SLC4A4: variants seen among roughly 807,000 people sequenced by gnomAD.
SLC4A4 encodes the protein electrogenic sodium bicarbonate cotransporter 1.
In SLC4A4, 27 loss-of-function variants were observed where a neutral mutation model predicts 111.5. That is an observed-to-expected ratio of 0.24 (90% confidence interval 0.18 to 0.33). SLC4A4 has a LOEUF of 0.33. Ranked by LOEUF, SLC4A4 falls within the 10% of genes least tolerant of loss-of-function variation. The pLI, the probability that SLC4A4 is intolerant of heterozygous loss-of-function variation, is 1.00. For missense variants in SLC4A4, 909 were observed against 1,315.5 expected (o/e 0.69, Z 4.78); for synonymous variants, 443 against 463.4 (o/e 0.96, Z 0.57).
chr4:71,076,565 G>T (rs1741835597), intron 1 of SLC4A4, among the ~76,000 whole-genome samples: 3 of 151,822 alleles, frequency 2.0e-5, no homozygotes, highest in African/African-American at 7.3e-5. Context: ...TTAATCCTGG[G>T]CACTTTAATG....
intron 2 of SLC4A4, among the ~76,000 whole-genome samples, chr4:71,129,677 T>G (rs1743649820): frequency 6.6e-6 from 1 of 150,802 alleles, no homozygotes; most frequent in Admixed American, 6.7e-5. Flanking sequence ...GTATGTTCAT[T>G]GCAGCACTAC....
chr4:71,397,834 A>C (rs1191198482), intron 7 of SLC4A4, among the ~76,000 whole-genome samples, 181 bp downstream of exon 7: 1 of 152,204 alleles, frequency 6.6e-6, no homozygotes, highest in Non-Finnish European at 1.5e-5. Flanking sequence ...CAGAAGGGAA[A>C]AATGTGCGTT....
intron 22 of SLC4A4, among the ~76,000 whole-genome samples, chr4:71,559,615 A>C (rs1269648134): frequency 6.6e-6 from 1 of 151,874 alleles, no homozygotes; most frequent in Non-Finnish European, 1.5e-5. Flanking sequence ...TGGTCTATGC[A>C]TATTCAAATA....
chr4:71,487,309 G>A (rs57814721), intron 15 of SLC4A4, among the ~76,000 whole-genome samples: 1,811 of 151,616 alleles, frequency 0.012, 40 homozygotes, highest in African/African-American at 0.04. Flanking sequence ...TTGTAACCTC[G>A]AAATATTTTC....
intron 3 of SLC4A4, among the ~76,000 whole-genome samples, chr4:71,264,388 C>G (rs184966143): frequency 6.6e-6 from 1 of 152,224 alleles, no homozygotes; most frequent in African/African-American, 2.4e-5. Context: ...AATTTTACCA[C>G]AAAGACCACA....
intron 7 of SLC4A4, among the ~76,000 whole-genome samples, chr4:71,402,661 G>A (rs1720470349): frequency 6.6e-6 from 1 of 152,222 alleles, no homozygotes. Context: ...AAGGCATGTT[G>A]TGAGAAGGTA....
chr4:71,345,729 C>G (rs1472249881), intron 4 of SLC4A4, among the ~76,000 whole-genome samples: 2 of 152,120 alleles, frequency 1.3e-5, no homozygotes, highest in African/African-American at 4.8e-5. Flanking sequence ...ACACTGACTT[C>G]TCTGTCTTTT....
At chr4:71,111,453 C>T (rs1300984823) in intron 2 of SLC4A4, among the ~76,000 whole-genome samples, 5 of 150,924 alleles carry the variant, frequency 3.3e-5, no homozygotes, top group Admixed American at 6.6e-5. Flanking sequence ...CCTCTGCCTC[C>T]GGGGTTCAAG....
chr4:71,287,373 G>A (rs909026673), intron 3 of SLC4A4, among the ~76,000 whole-genome samples: 7 of 152,222 alleles, frequency 4.6e-5, no homozygotes, highest in African/African-American at 9.6e-5. Flanking sequence ...AGTGGGAAAG[G>A]CATAAGTTGT....
At chr4:71,197,390 C>A (rs1030808130) in intron 1 of SLC4A4, among the ~76,000 whole-genome samples, 1 of 152,028 alleles carries the variant, frequency 6.6e-6, no homozygotes, top group Non-Finnish European at 1.5e-5. Context: ...GTTATAGTTT[C>A]TTGGAAAAAT....
chr4:71,333,131 A>G (rs1003684790), intron 3 of SLC4A4, among the ~76,000 whole-genome samples: 5 of 152,262 alleles, frequency 3.3e-5, no homozygotes, highest in Admixed American at 3.3e-4. Context: ...TAGTCTTTAC[A>G]GTCTGGGCTT....
intron 16 of SLC4A4, 129 bp downstream of exon 16, chr4:71,497,821 C>T (rs1347015352): frequency 3.9e-6 from 3 of 776,970 alleles, no homozygotes; most frequent in Non-Finnish European, 6.4e-6. Context: ...TTAAACATTA[C>T]ACTTCAATCT....
chr4:71,356,975 G>C (rs757400144), intron 5 of SLC4A4, 33 bp from the exon 6 acceptor site: 1 of 1,609,074 alleles, frequency 6.2e-7, no homozygotes, highest in East Asian at 2.2e-5. Context: ...TCTTGTGACT[G>C]AGTTTTGTTT....
chr4:71,202,236 A>G (rs1283778343), intron 1 of SLC4A4, among the ~76,000 whole-genome samples: 2 of 152,182 alleles, frequency 1.3e-5, no homozygotes, highest in Admixed American at 1.3e-4. Context: ...AATCACCTGG[A>G]ATGTTTTAGA....
chr4:71,272,006 T>C (rs1053301628), intron 3 of SLC4A4, among the ~76,000 whole-genome samples: 2 of 152,216 alleles, frequency 1.3e-5, no homozygotes, highest in South Asian at 2.1e-4. Context: ...AAGCCAGCAA[T>C]TGAGATCCAG....
At chr4:71,265,513 A>G (rs1232898163) in intron 3 of SLC4A4, among the ~76,000 whole-genome samples, 6 of 152,208 alleles carry the variant, frequency 3.9e-5, no homozygotes, top group Admixed American at 1.3e-4. Context: ...CAGAGGAAGT[A>G]GAAGAATGCC....
chr4:71,184,666 T>C (rs1489196637), upstream of SLC4A4, among the ~76,000 whole-genome samples: 2 of 152,008 alleles, frequency 1.3e-5, no homozygotes, highest in African/African-American at 4.8e-5. Context: ...AACTAATAAA[T>C]CTTTCTTTGT....
intron 3 of SLC4A4, chr4:71,339,142 T>C (rs1728678679): frequency 1.1e-5 from 17 of 1,612,092 alleles, no homozygotes; most frequent in Non-Finnish European, 1.4e-5. Flanking sequence ...GCTGTCCTTC[T>C]GGAGAGTGGT....
At chr4:71,149,211 A>G (rs527718665) in intron 2 of SLC4A4, among the ~76,000 whole-genome samples, 5 of 152,212 alleles carry the variant, frequency 3.3e-5, no homozygotes, top group African/African-American at 1.2e-4. Flanking sequence ...CTCTTTCTTG[A>G]ATGTTCTCAT....
Sources: allele counts gnomAD v4.1 joint callset (sites outside exome capture counted in the v4.1 genomes callset), GRCh38; gene constraint gnomAD v4.1.1; transcripts MANE v1.5; gene names NCBI Gene and HGNC (gene_info 2026-07-23, HGNC 2026-07-21).